The following MANF variants were observed in gnomAD, a reference collection of about 807,000 sequenced individuals.
The protein encoded by MANF is mesencephalic astrocyte-derived neurotrophic factor.
MANF carries 9 observed loss-of-function variants against 19.1 expected under a neutral mutation model. That is an observed-to-expected ratio of 0.47 (90% CI 0.28 to 0.82). The LOEUF is 0.82. MANF is among the 40% of genes least tolerant of loss of function. MANF has a pLI of 0.10. For missense variants in MANF, 225 were observed against 226.7 expected (o/e 0.99, Z 0.05); for synonymous variants, 89 against 88.0 (o/e 1.01, Z -0.06).
At chr3:51,387,526 T>C (rs577676744) in intron 2 of MANF, among the ~76,000 whole-genome samples, 63 of 151,532 alleles carry the variant, frequency 4.2e-4, no homozygotes, top group Middle Eastern at 3.5e-3. Flanking sequence ...ACCCAGCTAC[T>C]AGGGTGGCTG....
chr3:51,387,748 C>T lies in MANF; in HGVS notation c.234C>T (p.Ile78=), dbSNP rs781942956. The part of the protein sequence containing the change: ...RGKENRLCYY[I]GATDDAATKI... The stretch of plus-strand genomic sequence containing the variant: ...CTTTATTGCTCCAGTGCTACTATAT[C>T]GGGGCCACAGATGATGCAGCCACCA... Residue 78 remains isoleucine, a synonymous_variant, in exon 3 of 4, where the codon ATC becomes ATT. Transcript: ENST00000528157. 3.1e-6 allele frequency: 5 copies of T among 1,611,310 alleles called. No individual in the cohort carries two copies. The highest frequency in any genetic ancestry group is 1.3e-5 in the African/African-American group (1 of 74,876).
At position 51,387,749 on chromosome 3, in the gene MANF, G is replaced by A. The variant is rs782179240; in HGVS notation, c.235G>A (p.Gly79Arg). 6 of 1,611,438 alleles carry A rather than the reference G, an allele frequency of 3.7e-6. No individual in the cohort carries two copies. Among genetic ancestry groups the A allele is most frequent in the East Asian group, 2.2e-5 (1 of 44,852 alleles). ...TTTATTGCTCCAGTGCTACTATATC[G>A]GGGCCACAGATGATGCAGCCACCAA... The part of the protein sequence containing the change: ...GKENRLCYYI[G>R]ATDDAATKII... The change falls in exon 3 of 4, where the codon GGG (glycine) becomes AGG (arginine). Residue 79 changes from glycine to arginine, a missense_variant. Gly to Arg is a moderately radical substitution (Grantham distance 125). Coordinates refer to ENST00000528157, the MANE Select transcript of MANF (RefSeq NM_006010.6).
chr3:51,387,159 C>T (rs1243000473), intron 2 of MANF: 1 of 323,188 alleles, frequency 3.1e-6, no homozygotes, highest in African/African-American at 2.2e-5. Flanking sequence ...CCTGTCTGCA[C>T]AAAAAAATTT....
chr3:51,385,835 G>A, intron 1 of MANF: 1 of 275,314 alleles, frequency 3.6e-6, no homozygotes, highest in Non-Finnish European at 6.8e-6. Context: ...GTTGTATTTG[G>A]AAATTAGCAG....
At chr3:51,387,526 T>TAGGG in intron 2 of MANF, among the ~76,000 whole-genome samples, 1 of 151,532 alleles carries the variant, frequency 6.6e-6, no homozygotes, top group East Asian at 1.9e-4. Flanking sequence ...ACCCAGCTAC[T>TAGGG]AGGGTGGCTG....
Position 51,388,981 on chromosome 3 carries a change from G to T in MANF, c.441G>T (p.Trp147Cys), listed in dbSNP as rs1253372208. The T allele has an allele frequency of 1.2e-6, 2 of 1,606,146 alleles. No individual in the cohort carries two copies. The highest frequency in any genetic ancestry group is 3.4e-5 in the Admixed American group (2 of 58,862). ...VKELKKILDD[W>C]GETCKGCAEK... ...AGCTGAAGAAGATTCTGGATGACTGGGGGGAGACATGCAAAGGCTGTGCAG... is the reference window on the plus strand; with the variant it reads ...AGCTGAAGAAGATTCTGGATGACTGTGGGGAGACATGCAAAGGCTGTGCAG... The change falls in exon 4 of 4, where the codon TGG becomes TGT. Residue 147 changes from tryptophan to cysteine, a missense_variant. Physicochemically the swap from Trp to Cys is radical, Grantham distance 215. Transcript: ENST00000528157.
intron 3 of MANF, 84 bp downstream of exon 3, chr3:51,387,962 G>A: frequency 7.3e-7 from 1 of 1,360,912 alleles, no homozygotes; most frequent in Non-Finnish European, 1.0e-6. Context: ...TGATGAGCTA[G>A]AGTCATGAGT....
intron 2 of MANF, chr3:51,386,926 A>G (rs1553620971): frequency 6.6e-6 from 3 of 456,716 alleles, no homozygotes; most frequent in Non-Finnish European, 8.8e-6. Context: ...CCCTGGTGAC[A>G]CTTAAATTCA....
rs968656471 is a variant in MANF, at chr3:51,389,354, T to C, written c.*265T>C. 7 of 404,464 alleles carry C rather than the reference T, an allele frequency of 1.7e-5. No individual in the cohort carries two copies. The highest frequency in any genetic ancestry group is 9.6e-5 in the Admixed American group (2 of 20,876). 25.1% of individuals were successfully genotyped at this position (404,464 alleles called of 1,614,324 possible). A position where few individuals can be genotyped will look rare whatever the true frequency, so the allele number is the denominator to read the frequency against. On this transcript the variant is annotated 3_prime_UTR_variant, in exon 4 of 4. Transcript: ENST00000528157. ...AAAATTTCTAGCTGTCCTTGCAGAATTATAGTGAATACCAAAATGGGGTTT... is the reference window on the plus strand; with the variant it reads ...AAAATTTCTAGCTGTCCTTGCAGAACTATAGTGAATACCAAAATGGGGTTT...
chr3:51,385,504 T>A, intron 1 of MANF, 68 bp downstream of exon 1: 1 of 251,436 alleles, frequency 4.0e-6, no homozygotes, highest in Non-Finnish European at 5.7e-6. Flanking sequence ...CCCCACAACA[T>A]CACCAGACGG....
intron 2 of MANF, 125 bp from the exon 3 acceptor site, chr3:51,387,612 A>T: frequency 1.2e-6 from 1 of 856,966 alleles, no homozygotes; most frequent in Non-Finnish European, 1.8e-6. Flanking sequence ...AGCCTGGGTG[A>T]CAGGGAGCCC....
intron 1 of MANF, 134 bp from the exon 2 acceptor site, chr3:51,386,074 A>G (rs1457201552): frequency 2.0e-6 from 2 of 988,950 alleles, no homozygotes; most frequent in South Asian, 1.6e-5. Flanking sequence ...CACCTGAGAA[A>G]AATCGGTGAT....
Position 51,385,294 on chromosome 3 carries a change from C to A in MANF, c.-49C>A. On this transcript the variant is annotated 5_prime_UTR_variant, in exon 1 of 4. Coordinates refer to ENST00000528157, the MANE Select transcript of MANF (RefSeq NM_006010.6). Reference sequence around the variant, plus strand: ...TGCGGCGCGGCGGGTGCGGTTCAGTCGGTCGGCGGCGGCAGCGGAGGAGGA... The same window carrying A: ...TGCGGCGCGGCGGGTGCGGTTCAGTAGGTCGGCGGCGGCAGCGGAGGAGGA... 1.7e-6 allele frequency: 2 copies of A among 1,167,898 alleles called. No individual in the cohort carries two copies. The highest frequency in any genetic ancestry group is 2.2e-6 in the Non-Finnish European group (2 of 928,022). The allele number at this position is 1,167,898 out of a possible 1,614,324, so 72.3% of individuals were successfully genotyped here. A position where few individuals can be genotyped will look rare whatever the true frequency, so the allele number is the denominator to read the frequency against.
chr3:51,386,588 G>A (rs1242049087), intron 2 of MANF, among the ~76,000 whole-genome samples: 3 of 152,242 alleles, frequency 2.0e-5, no homozygotes, highest in Non-Finnish European at 2.9e-5. Flanking sequence ...AATATCAGGG[G>A]AAAGAAGTGA....
At chr3:51,387,505 C>G (rs929451453) in intron 2 of MANF, among the ~76,000 whole-genome samples, 2 of 151,710 alleles carry the variant, frequency 1.3e-5, no homozygotes, top group African/African-American at 4.9e-5. Context: ...TGTGGTGGCC[C>G]ACACCGGTAG....
In MANF at chr3:51,386,288, G is replaced by A; in HGVS notation, c.175G>A (p.Glu59Lys). The A allele has an allele frequency of 1.9e-6, 3 of 1,613,918 alleles. No individual in the cohort carries two copies. The highest frequency in any genetic ancestry group is 2.2e-5 in the South Asian group (2 of 91,068). ...VTFSPATIEN[E>K]LIKFCREARG... Reference sequence around the variant, plus strand: ...ATTCTCACCAGCCACTATTGAAAACGAACTTATAAAGTTCTGCCGGGAAGC... The same window carrying A: ...ATTCTCACCAGCCACTATTGAAAACAAACTTATAAAGTTCTGCCGGGAAGC... The change falls in exon 2 of 4, where the codon GAA (glutamate) becomes AAA (lysine). Residue 59 changes from glutamate (E) to lysine (K), a missense_variant. By Grantham distance (56) the Glu-to-Lys change is moderately conservative. Transcript: ENST00000528157.
Position 51,385,323 on chromosome 3 carries a change from GGAGGAGGAGGAT to G in MANF, c.-11_1del, listed in dbSNP as rs1446035258. Reference sequence around the variant, plus strand: ...CGGCGGCGGCAGCGGAGGAGGAGGAGGAGGAGGAGGATGAGGAGGATGAGGAGGATGTGGGCC... The same window carrying G: ...CGGCGGCGGCAGCGGAGGAGGAGGAGGAGGAGGATGAGGAGGATGTGGGCC... On this transcript the variant is annotated 5_prime_UTR_variant, in exon 1 of 4. An upstream start codon of the reference 5' UTR is lost. Coordinates refer to ENST00000528157, the MANE Select transcript of MANF (RefSeq NM_006010.6). The G allele has an allele frequency of 4.4e-5, 54 of 1,226,514 alleles. No individual in the cohort carries two copies. Among genetic ancestry groups the G allele is most frequent in the East Asian group, 9.5e-5 (3 of 31,656 alleles). 76.0% of individuals were successfully genotyped at this position (1,226,514 alleles called of 1,614,324 possible).
intron 1 of MANF, 87 bp downstream of exon 1, chr3:51,385,523 AAGAGGG>A: frequency 4.4e-6 from 1 of 225,372 alleles, no homozygotes; most frequent in African/African-American, 2.4e-5. Flanking sequence ...GGCCGGGGCC[AAGAGGG>A]CGAGGGCGGG....
At position 51,385,425 on chromosome 3, in the gene MANF, G is replaced by C; in HGVS notation, c.83G>C (p.Gly28Ala). The C allele has an allele frequency of 8.1e-7, 1 of 1,236,138 alleles. No homozygotes were observed. Among genetic ancestry groups the C allele is most frequent in the Non-Finnish European group, 1.0e-6 (1 of 989,118 alleles). 76.6% of individuals were successfully genotyped at this position (1,236,138 alleles called of 1,614,324 possible). The change falls in exon 1 of 4, where the codon GGC becomes GCC. Residue 28 changes from glycine to alanine, a missense_variant. Coordinates refer to ENST00000528157, the MANE Select transcript of MANF (RefSeq NM_006010.6). ...VLPGSRALRP[G>A]DCEVCISYLG... ...CCGGGCAGCCGGGCGCTGCGGCCGG[G>C]CGACTGCGAAGGTGCGGGATAGGGG...
Sources: gnomAD v4.1 joint callset for allele counts (sites outside exome capture counted in the v4.1 genomes callset) on GRCh38, gnomAD v4.1.1 for gene constraint, MANE v1.5 for transcripts, NCBI Gene and HGNC (gene_info 2026-07-23, HGNC 2026-07-21) for gene names.